WNT5A: variants seen among roughly 807,000 people sequenced by gnomAD.
The protein encoded by WNT5A is Wnt family member 5A, also known as protein Wnt-5a.
Under a neutral mutation model 42.1 loss-of-function variants are expected in WNT5A, and 9 were observed. The ratio of observed to expected loss-of-function variants is 0.21; its 90% CI spans 0.13 to 0.37. WNT5A has a LOEUF of 0.37. WNT5A is among the 10% of genes least tolerant of loss of function. The pLI, the probability that WNT5A is intolerant of heterozygous loss-of-function variation, is 1.00. For synonymous variants in WNT5A, 210 were observed against 210.0 expected (o/e 1.00, Z 0.00); for missense variants, 426 against 534.0 (o/e 0.80, Z 1.99).
chr3:55,501,718 G>A, the WNT5A span: 20 of 152,190 alleles, frequency 1.3e-4, no homozygotes, highest in African/African-American at 4.1e-4. Flanking sequence ...AAGGCTTCCA[G>A]GTGGGCCAAG....
At chr3:55,485,373 G>A (rs1386980260) in intron 1 of WNT5A, among the ~76,000 whole-genome samples, 1 of 147,066 alleles carries the variant, frequency 6.8e-6, no homozygotes, top group African/African-American at 2.4e-5. Context: ...GGGGAGGGGA[G>A]GAGAAGACAG....
chr3:55,487,406 C>A, upstream of WNT5A: 2 of 193,900 alleles, frequency 1.0e-5, no homozygotes, highest in Non-Finnish European at 1.0e-5. Context: ...GACCTTACGA[C>A]AAATAATAAT....
At chr3:55,473,575 G>A (rs2051292707) in intron 4 of WNT5A, among the ~76,000 whole-genome samples, 1 of 152,188 alleles carries the variant, frequency 6.6e-6, no homozygotes, top group African/African-American at 2.4e-5. Context: ...GGTCCTCCCT[G>A]GGTACTTCTG....
At chr3:55,477,937 G>A (rs2051386904) in intron 3 of WNT5A, among the ~76,000 whole-genome samples, 1 of 152,140 alleles carries the variant, frequency 6.6e-6, no homozygotes. Context: ...CATAGAAGAA[G>A]GGGGAAAAGT....
chr3:55,499,277 T>C, the WNT5A span, among the ~76,000 whole-genome samples: 6 of 152,274 alleles, frequency 3.9e-5, no homozygotes, highest in Admixed American at 3.9e-4. Flanking sequence ...TGCTGATGAA[T>C]TAATGGTGCA....
At chr3:55,481,384 G>A (rs943794520) in intron 1 of WNT5A, 5 of 985,476 alleles carry the variant, frequency 5.1e-6, no homozygotes, top group African/African-American at 3.5e-5. Flanking sequence ...AGAGGAGCAC[G>A]GAGGCGAGTG....
rs2051511710 is a variant in WNT5A at position 55,483,599 on chromosome 3, G to C, written c.7-2681C>G. Among the ~76,000 whole-genome samples, 1 of 152,192 alleles carries C rather than the reference G, an allele frequency of 6.6e-6. No individual in the cohort carries two copies. The highest frequency in any genetic ancestry group is 2.4e-5 in the African/African-American group (1 of 41,454). On this transcript the variant is annotated intron_variant, in intron 1 of 4. Transcript: ENST00000264634. This position sits in a 1 kb window ranked among gnomAD's most constrained non-coding sequence, Gnocchi z 4.2. ...TCCAACACTTTCGGGGCTCAGGGAA[G>C]ATGACTCTGTAAGGACACTGAGAAT...
the WNT5A span, among the ~76,000 whole-genome samples, chr3:55,500,167 T>C: frequency 6.6e-6 from 1 of 152,174 alleles, no homozygotes; most frequent in African/African-American, 2.4e-5. Flanking sequence ...GTGTTTACCA[T>C]GAGTTTTTTT....
the WNT5A span, among the ~76,000 whole-genome samples, chr3:55,499,942 T>C: frequency 2.0e-5 from 3 of 149,040 alleles, no homozygotes; most frequent in Non-Finnish European, 3.0e-5. Flanking sequence ...GCCACTGCAC[T>C]CCAGCCTGGG....
At chr3:55,493,215 A>G (rs969035920), upstream of WNT5A, among the ~76,000 whole-genome samples, 1 of 152,220 alleles carries the variant, frequency 6.6e-6, no homozygotes, top group Non-Finnish European at 1.5e-5. Flanking sequence ...AGTGCTGCTC[A>G]GGTCATGTCA....
chr3:55,501,610 T>C, the WNT5A span: 8 of 152,348 alleles, frequency 5.3e-5, no homozygotes, highest in East Asian at 3.9e-4. Context: ...TTTGAGCTCA[T>C]GTTCACTCGT....
intron 1 of WNT5A, among the ~76,000 whole-genome samples, chr3:55,482,694 T>TG (rs1423862269): frequency 6.6e-6 from 1 of 152,082 alleles, no homozygotes; most frequent in South Asian, 2.1e-4. Flanking sequence ...GCTGCAAAGC[T>TG]GGGGGGCGCA....
At chr3:55,488,490 G>GAGGGA (rs2051616959), upstream of WNT5A, among the ~76,000 whole-genome samples, 1 of 143,172 alleles carries the variant, frequency 7.0e-6, no homozygotes, top group Admixed American at 6.9e-5. Flanking sequence ...TGGAAAGAGA[G>GAGGGA]AGGGAAGGGG....
chr3:55,494,984 T>G (rs1032916031), upstream of WNT5A, among the ~76,000 whole-genome samples: 7 of 152,240 alleles, frequency 4.6e-5, no homozygotes, highest in African/African-American at 1.7e-4. Flanking sequence ...AGAATAAAAG[T>G]GCATCCTCAA....
At chr3:55,488,490 G>A (rs2051616896), upstream of WNT5A, among the ~76,000 whole-genome samples, 1 of 143,172 alleles carries the variant, frequency 7.0e-6, no homozygotes, top group Non-Finnish European at 1.5e-5. Flanking sequence ...TGGAAAGAGA[G>A]AGGGAAGGGG....
the WNT5A span, among the ~76,000 whole-genome samples, chr3:55,499,990 A>C: frequency 6.6e-6 from 1 of 151,746 alleles, no homozygotes; most frequent in Non-Finnish European, 1.5e-5. Flanking sequence ...CAAAAAAAAA[A>C]AAAAATTAAA....
intron 1 of WNT5A, among the ~76,000 whole-genome samples, chr3:55,485,203 T>C (rs1490437844): frequency 1.3e-5 from 2 of 150,650 alleles, no homozygotes; most frequent in Admixed American, 1.3e-4. Flanking sequence ...GGGGAGCAGC[T>C]GCCCGCCCGC....
At chr3:55,494,523 T>C (rs1370374565), upstream of WNT5A, among the ~76,000 whole-genome samples, 2 of 152,156 alleles carry the variant, frequency 1.3e-5, no homozygotes, top group African/African-American at 4.8e-5. Context: ...ACAAAAGTAA[T>C]TGTGGTTTTT....
intron 3 of WNT5A, among the ~76,000 whole-genome samples, chr3:55,476,263 T>C (rs1197342064): frequency 1.3e-5 from 2 of 152,180 alleles, no homozygotes; most frequent in East Asian, 3.8e-4. Flanking sequence ...TGATTTACCA[T>C]ATATCCTCCC....
Sources: gnomAD v4.1 joint callset for allele counts (sites outside exome capture counted in the v4.1 genomes callset) on GRCh38, gnomAD v4.1.1 for gene constraint, Gnocchi (gnomAD v3.1) non-coding constraint, MANE v1.5 for transcripts, NCBI Gene and HGNC (gene_info 2026-07-23, HGNC 2026-07-21) for gene names.